The following ATP1A3 variants were observed in gnomAD, a reference collection of about 807,000 sequenced individuals.
ATP1A3 encodes the protein sodium/potassium-transporting ATPase subunit alpha-3.
ATP1A3 carries 12 observed loss-of-function variants against 108.8 expected under a neutral mutation model. That is an observed-to-expected ratio of 0.11 (90% confidence interval 0.07 to 0.18). The LOEUF is 0.18. Among genes scored for constraint, ATP1A3 ranks in the 10% least tolerant of loss-of-function variants. The probability of loss-of-function intolerance (pLI) is 1.00; values close to 1 mark genes in which losing one functional copy is unlikely to be tolerated. For missense variants in ATP1A3, 498 were observed against 1,387.7 expected (o/e 0.36, Z 10.19); for synonymous variants, 539 against 564.5 (o/e 0.95, Z 0.64).
chr19:41,989,321 T>C (rs989325422), intron 1 of ATP1A3, among the ~76,000 whole-genome samples: 12 of 149,126 alleles, frequency 8.0e-5, no homozygotes, highest in African/African-American at 2.7e-4. Flanking sequence ...TCTGTCTTTT[T>C]TTTTTTTTTT....
At chr19:41,989,813 A>G (rs368588574) in intron 1 of ATP1A3, among the ~76,000 whole-genome samples, 18 of 151,450 alleles carry the variant, frequency 1.2e-4, no homozygotes, top group East Asian at 1.2e-3. Flanking sequence ...CTCTCTTGAT[A>G]GCTCTCTCTC....
chr19:41,989,178 G>A (rs2075313300), intron 1 of ATP1A3, among the ~76,000 whole-genome samples: 2 of 151,954 alleles, frequency 1.3e-5, no homozygotes, highest in African/African-American at 2.4e-5. Context: ...GGACTCAAGC[G>A]ATCCTCCTGC....
chr19:41,988,239 C>T lies in ATP1A3; in HGVS notation c.153+79G>A. 6.2e-7 allele frequency: 1 copy of T among 1,612,442 alleles called. No homozygotes were observed. The highest frequency in any genetic ancestry group is 8.5e-7 in the Non-Finnish European group (1 of 1,178,498). ...ACTTAAGACACCAGCCACAGCCCCT[C>T]CTCCCTCAGACCCAGGGGTCCTAGC... On this transcript the variant is annotated intron_variant, in intron 3 of 22. Coordinates refer to ENST00000648268, the MANE Select transcript of ATP1A3 (RefSeq NM_152296.5). This position sits in a 1 kb window ranked among gnomAD's most constrained non-coding sequence, Gnocchi z 5.3.
At chr19:41,969,934 A>G (rs572537976) in intron 18 of ATP1A3, among the ~76,000 whole-genome samples, 2 of 152,188 alleles carry the variant, frequency 1.3e-5, no homozygotes, top group Non-Finnish European at 2.9e-5. Context: ...ACTGCCATGA[A>G]GTCTCTGCTT....
intron 16 of ATP1A3, among the ~76,000 whole-genome samples, chr19:41,974,447 C>T (rs1487195915): frequency 6.6e-6 from 1 of 152,080 alleles, no homozygotes; most frequent in Non-Finnish European, 1.5e-5. Context: ...TATCCCCGCC[C>T]CCAGCCCCCA....
Position 41,994,150 on chromosome 19 carries a change from G to A in ATP1A3, c.-74C>T. 1.4e-6 allele frequency: 2 copies of A among 1,445,646 alleles called. No individual in the cohort carries two copies. The highest frequency in any genetic ancestry group is 1.8e-6 in the Non-Finnish European group (2 of 1,083,990). The allele number at this position is 1,445,646 out of a possible 1,614,324, so 89.6% of individuals were successfully genotyped here. ...GGGGCGGGCTCAGGCTCAGGCTTGGGCTGGGAGCCTCTGCAGCGCCCGCGC... is the reference window on the plus strand; with the variant it reads ...GGGGCGGGCTCAGGCTCAGGCTTGGACTGGGAGCCTCTGCAGCGCCCGCGC... On this transcript the variant is annotated 5_prime_UTR_variant, in exon 1 of 23. Transcript: ENST00000648268.
At position 41,968,942 on chromosome 19, in the gene ATP1A3, G is replaced by C; in HGVS notation, c.2689-27C>G. ...TGCAGGAGCGGTGACCAGGGCACGG[G>C]ACGTCAGTTAGTGGCACTGCAGCCC... On this transcript the variant is annotated intron_variant, in intron 19 of 22. Transcript: ENST00000648268. This position sits in a 1 kb window ranked among gnomAD's most constrained non-coding sequence, Gnocchi z 5.0. 6.2e-7 allele frequency: 1 copy of C among 1,613,374 alleles called. No homozygotes were observed. Among genetic ancestry groups the C allele is most frequent in the East Asian group, 2.2e-5 (1 of 44,846 alleles).
rs2075276786 is a variant in ATP1A3 at position 41,985,365 on chromosome 19, G to A, written c.665C>T (p.Thr222Ile). The part of the protein sequence containing the change: ...SEPQTRSPDC[T>I]HDNPLETRNI... ...CCGAGTCTCCAAGGGGTTGTCGTGA[G>A]TGCAGTCGGGAGAGCGAGTCTGGGG... Residue 222 changes from threonine (T) to isoleucine (I), a missense_variant, in exon 7 of 23, where the codon ACT (threonine) becomes ATT (isoleucine). Coordinates refer to ENST00000648268, the MANE Select transcript of ATP1A3 (RefSeq NM_152296.5). The surrounding 1 kb of genome is among the most constrained non-coding windows in gnomAD (Gnocchi z 8.2). The A allele has an allele frequency of 6.2e-7, 1 of 1,614,132 alleles. No individual in the cohort carries two copies. Among genetic ancestry groups the A allele is most frequent in the South Asian group, 1.1e-5 (1 of 91,070 alleles).
intron 11 of ATP1A3, among the ~76,000 whole-genome samples, chr19:41,980,085 T>C (rs2075213669): frequency 1.3e-5 from 2 of 152,240 alleles, no homozygotes. Context: ...CTCCCGCCTC[T>C]GGGCCTTTGC....
chr19:41,972,853 GGAAGGAAA>G (rs1443394134), intron 16 of ATP1A3, among the ~76,000 whole-genome samples: 105 of 133,742 alleles, frequency 7.9e-4, no homozygotes, highest in Middle Eastern at 3.8e-3. Context: ...AAGGAAGGAA[GGAAGGAAA>G]GAAGGAAGGA....
In ATP1A3 at chr19:41,968,065, G is replaced by A. The variant is rs901957747; in HGVS notation, c.2820-302C>T. Among the ~76,000 whole-genome samples, 6 of 151,496 alleles carry A rather than the reference G, an allele frequency of 4.0e-5. No homozygotes were observed. Among genetic ancestry groups the A allele is most frequent in the Non-Finnish European group, 7.4e-5 (5 of 67,850 alleles). On this transcript the variant is annotated intron_variant, in intron 20 of 22. Coordinates refer to ENST00000648268, the MANE Select transcript of ATP1A3 (RefSeq NM_152296.5). This position sits in a 1 kb window ranked among gnomAD's most constrained non-coding sequence, Gnocchi z 5.0. Reference sequence around the variant, plus strand: ...AGAGACAGACACAGGGACAGACACAGAGACAGGGACAGAAACAGACACAGA... The same window carrying A: ...AGAGACAGACACAGGGACAGACACAAAGACAGGGACAGAAACAGACACAGA...
intron 18 of ATP1A3, 90 bp from the exon 19 acceptor site, chr19:41,969,670 G>C: frequency 6.5e-7 from 1 of 1,529,594 alleles, no homozygotes; most frequent in South Asian, 1.1e-5. Flanking sequence ...AGGCCTCCTT[G>C]GAGAGGGGAG....
chr19:41,974,866 C>G (rs569684168), intron 16 of ATP1A3, among the ~76,000 whole-genome samples: 1 of 152,292 alleles, frequency 6.6e-6, no homozygotes, highest in African/African-American at 2.4e-5. Flanking sequence ...CCCCTCACAC[C>G]GCCTTGCCTG....
chr19:41,967,649 G>A lies in ATP1A3; in HGVS notation c.2921+13C>T. Reference sequence around the variant, plus strand: ...GCTGGTGTGGGCAGGGCTGGGGGCAGCGGGGCACTCACTTGAGAGGGTACA... The same window carrying A: ...GCTGGTGTGGGCAGGGCTGGGGGCAACGGGGCACTCACTTGAGAGGGTACA... On this transcript the variant is annotated intron_variant, in intron 21 of 22. Coordinates refer to ENST00000648268, the MANE Select transcript of ATP1A3 (RefSeq NM_152296.5). The surrounding 1 kb of genome is among the most constrained non-coding windows in gnomAD (Gnocchi z 4.2). The A allele has an allele frequency of 1.2e-6, 2 of 1,613,324 alleles. No individual in the cohort carries two copies. Among genetic ancestry groups the A allele is most frequent in the Non-Finnish European group, 1.7e-6 (2 of 1,179,590 alleles).
intron 1 of ATP1A3, chr19:41,993,300 A>C: frequency 7.7e-7 from 1 of 1,293,290 alleles, no homozygotes; most frequent in South Asian, 1.3e-5. Flanking sequence ...ACAAGGACAC[A>C]CGGACACAGA....
intron 1 of ATP1A3, among the ~76,000 whole-genome samples, chr19:41,991,220 C>G (rs909053391): frequency 2.0e-5 from 3 of 152,206 alleles, no homozygotes; most frequent in Non-Finnish European, 4.4e-5. Context: ...CGCGGCTCAG[C>G]GCTAATCTCC....
At chr19:41,974,376 G>A (rs925065826) in intron 16 of ATP1A3, among the ~76,000 whole-genome samples, 1 of 152,178 alleles carries the variant, frequency 6.6e-6, no homozygotes, top group African/African-American at 2.4e-5. Context: ...CCCGGAGGTG[G>A]AGGCTGCAGT....
intron 1 of ATP1A3, among the ~76,000 whole-genome samples, chr19:41,990,230 C>T (rs1293207847): frequency 1.3e-5 from 2 of 151,568 alleles, no homozygotes; most frequent in African/African-American, 2.4e-5. Flanking sequence ...TAATATCTCT[C>T]TCTGGGATCT....
At position 41,985,260 on chromosome 19, in the gene ATP1A3, T is replaced by C. The variant is rs1462209872; in HGVS notation, c.724+46A>G. The stretch of plus-strand genomic sequence containing the variant: ...TGGAGGCCTGACCCCCTGGGACACA[T>C]CCCTGTGTCTGCCCCAGCTGTGTGT... On this transcript the variant is annotated intron_variant, in intron 7 of 22. Coordinates refer to ENST00000648268, the MANE Select transcript of ATP1A3 (RefSeq NM_152296.5). The surrounding 1 kb of genome is among the most constrained non-coding windows in gnomAD (Gnocchi z 8.2). 3.7e-6 allele frequency: 6 copies of C among 1,613,470 alleles called. No homozygotes were observed. Among genetic ancestry groups the C allele is most frequent in the Non-Finnish European group, 5.1e-6 (6 of 1,179,582 alleles).
Sources: allele counts gnomAD v4.1 joint callset (sites outside exome capture counted in the v4.1 genomes callset), GRCh38; gene constraint gnomAD v4.1.1; non-coding constraint Gnocchi (gnomAD v3.1); transcripts MANE v1.5; gene names NCBI Gene and HGNC (gene_info 2026-07-23, HGNC 2026-07-21).